The following LRRFIP2 variants were observed in gnomAD, a reference collection of about 807,000 sequenced individuals.
LRRFIP2 encodes LRR binding FLII interacting protein 2.
LRRFIP2 carries 109 observed loss-of-function variants against 125.9 expected under a neutral mutation model. That is an observed-to-expected ratio of 0.87 (90% CI 0.74 to 1.01). The LOEUF is 1.01. Among genes scored for constraint, LRRFIP2 ranks in the 50% least tolerant of loss-of-function variants. LRRFIP2 has a pLI of 0.00. For synonymous variants in LRRFIP2, 291 were observed against 293.1 expected (o/e 0.99, Z 0.07); for missense variants, 850 against 862.3 (o/e 0.99, Z 0.18).
chr3:37,089,134 A>G (rs1050151782), intron 18 of LRRFIP2, among the ~76,000 whole-genome samples: 4 of 152,140 alleles, frequency 2.6e-5, no homozygotes, highest in African/African-American at 9.6e-5. Context: ...ATTTATTGCT[A>G]TAACTCTGTA....
intron 1 of LRRFIP2, chr3:37,170,559 T>C (rs142763268): frequency 3.2e-4 from 49 of 152,350 alleles, no homozygotes; most frequent in African/African-American, 1.2e-3. Flanking sequence ...TCCTGTAGCA[T>C]AGTCCATTAT....
At position 37,075,054 on chromosome 3, in the gene LRRFIP2, T is replaced by C; in HGVS notation, c.1341A>G (p.Glu447=). The C allele has an allele frequency of 6.2e-7, 1 of 1,613,024 alleles. No homozygotes were observed. The highest frequency in any genetic ancestry group is 8.5e-7 in the Non-Finnish European group (1 of 1,179,810). The change falls in exon 20 of 28, where the codon GAA becomes GAG. Residue 447 remains glutamate, a synonymous_variant. Transcript: ENST00000336686. ...VLQHKMEELK[E]GLRQRDELIE... ...TAAGCTCATCTCTTTGCCGCAGGCC[T>C]TCTTTAAGTTCTTCCATCTTATGCT... is the stretch of plus-strand genomic sequence containing the variant.
At chr3:37,112,322 G>A (rs147114756) in intron 8 of LRRFIP2, among the ~76,000 whole-genome samples, 1 of 139,390 alleles carries the variant, frequency 7.2e-6, no homozygotes, top group African/African-American at 2.7e-5. Flanking sequence ...GAGACAGAGC[G>A]AGACTCCATC....
intron 8 of LRRFIP2, among the ~76,000 whole-genome samples, chr3:37,112,246 G>C (rs1032477922): frequency 1.3e-5 from 2 of 150,400 alleles, no homozygotes; most frequent in Non-Finnish European, 2.9e-5. Context: ...TGAGGCAGGA[G>C]AATCGCTTGA....
chr3:37,157,130 A>AAAAC (rs1157227248), intron 1 of LRRFIP2, among the ~76,000 whole-genome samples: 3 of 152,010 alleles, frequency 2.0e-5, no homozygotes, highest in Non-Finnish European at 4.4e-5. Context: ...ACCCCGTCTC[A>AAAAC]AAACAAACAA....
At chr3:37,083,476 A>T (rs1000991140) in intron 19 of LRRFIP2, among the ~76,000 whole-genome samples, 160 bp downstream of exon 19, 7 of 152,234 alleles carry the variant, frequency 4.6e-5, no homozygotes, top group Non-Finnish European at 8.8e-5. Flanking sequence ...AAAAAGAGTC[A>T]TCCAGGGCCT....
chr3:37,112,834 A>T, intron 8 of LRRFIP2, 81 bp downstream of exon 8: 1 of 705,036 alleles, frequency 1.4e-6, no homozygotes, highest in Non-Finnish European at 2.4e-6. Context: ...ATAATGTCCT[A>T]GTAGCACACC....
At position 37,103,543 on chromosome 3, in the gene LRRFIP2, T is replaced by C. The variant is rs1241716548; in HGVS notation, c.784-530A>G. Among the ~76,000 whole-genome samples the C allele has an allele frequency of 2.0e-5, 3 of 152,190 alleles. No individual in the cohort carries two copies. The East Asian group carries it at 5.8e-4, about 29-fold the overall frequency. On this transcript the variant is annotated intron_variant, in intron 14 of 27. Coordinates refer to ENST00000336686, the MANE Select transcript of LRRFIP2 (RefSeq NM_006309.4). ...GAAGGAAATAAACTATACCGGCCTC[T>C]TTTTAGTTCCCCAAACACACCAGTT...
chr3:37,122,023 C>T (rs2095071674), intron 4 of LRRFIP2, among the ~76,000 whole-genome samples: 1 of 150,900 alleles, frequency 6.6e-6, no homozygotes, highest in South Asian at 2.1e-4. Flanking sequence ...CACCCATTAA[C>T]TCATTATTTA....
At chr3:37,096,501 G>A (rs2093725663) in intron 16 of LRRFIP2, 115 bp downstream of exon 16, 1 of 676,244 alleles carries the variant, frequency 1.5e-6, no homozygotes, top group South Asian at 1.8e-5. Flanking sequence ...GGAAATAGAT[G>A]AAGGGAGGAA....
At chr3:37,104,804 T>C (rs1195436632) in intron 14 of LRRFIP2, among the ~76,000 whole-genome samples, 4 of 152,206 alleles carry the variant, frequency 2.6e-5, no homozygotes, top group Non-Finnish European at 5.9e-5. Flanking sequence ...GACTAGAATT[T>C]TTAAATTTTG....
chr3:37,098,964 C>T (rs1457188786), intron 15 of LRRFIP2, among the ~76,000 whole-genome samples: 1 of 152,166 alleles, frequency 6.6e-6, no homozygotes, highest in African/African-American at 2.4e-5. Flanking sequence ...AAAATGACCT[C>T]CAAAATCATC....
intron 19 of LRRFIP2, among the ~76,000 whole-genome samples, chr3:37,081,365 CT>C (rs1347598756): frequency 6.6e-6 from 1 of 152,078 alleles, no homozygotes; most frequent in Non-Finnish European, 1.5e-5. Context: ...TGGAATGGTC[CT>C]TCTCTACTCT....
intron 1 of LRRFIP2, among the ~76,000 whole-genome samples, chr3:37,168,738 G>C (rs2096543960): frequency 6.6e-6 from 1 of 152,174 alleles, no homozygotes; most frequent in Non-Finnish European, 1.5e-5. Context: ...TATTACAGTG[G>C]TCCCATAAGA....
chr3:37,072,004 C>A (rs1310943164), intron 21 of LRRFIP2, among the ~76,000 whole-genome samples: 3 of 152,136 alleles, frequency 2.0e-5, no homozygotes, highest in African/African-American at 7.2e-5. Flanking sequence ...TTACAGACAG[C>A]CACCCTAGAA....
At chr3:37,149,499 G>A (rs922496129) in intron 1 of LRRFIP2, among the ~76,000 whole-genome samples, 4 of 151,660 alleles carry the variant, frequency 2.6e-5, no homozygotes, top group Admixed American at 2.0e-4. Context: ...CTTGGGAGAC[G>A]GAGCAAGACT....
At chr3:37,140,461 G>C (rs114468668) in intron 2 of LRRFIP2, 1 of 151,836 alleles carries the variant, frequency 6.6e-6, no homozygotes, top group African/African-American at 2.4e-5. Flanking sequence ...TATTGAGGCC[G>C]GACACAGTGG....
At chr3:37,174,294 T>C (rs2096626613) in intron 1 of LRRFIP2, 1 of 152,194 alleles carries the variant, frequency 6.6e-6, no homozygotes, top group Admixed American at 6.5e-5. Context: ...TTCAACCTTA[T>C]TTTACTTAAC....
intron 21 of LRRFIP2, among the ~76,000 whole-genome samples, chr3:37,071,814 T>G (rs1014547738): frequency 2.6e-5 from 4 of 152,152 alleles, no homozygotes; most frequent in African/African-American, 4.8e-5. Context: ...GTTCCCCTAC[T>G]GTAGAACAGA....
Sources: allele counts gnomAD v4.1 joint callset (sites outside exome capture counted in the v4.1 genomes callset), GRCh38; gene constraint gnomAD v4.1.1; transcripts MANE v1.5; gene names NCBI Gene and HGNC (gene_info 2026-07-23, HGNC 2026-07-21).